LRRC1: variants seen among roughly 807,000 people sequenced by gnomAD.
The protein encoded by LRRC1 is leucine-rich repeat-containing protein 1.
In LRRC1, 28 loss-of-function variants were observed where a neutral mutation model predicts 69.9. The observed-to-expected ratio is 0.40, with a 90% CI of 0.30 to 0.55. The LOEUF is 0.55. Among genes scored for constraint, LRRC1 ranks in the 20% least tolerant of loss-of-function variants. The pLI is 0.47. For missense variants in LRRC1, 498 were observed against 609.0 expected, an observed-to-expected ratio of 0.82 and a Z score of 1.92; for synonymous variants, 236 against 240.2, an observed-to-expected ratio of 0.98 and a Z score of 0.16.
At chr6:53,873,785 C>T (rs1248255954) in intron 2 of LRRC1, among the ~76,000 whole-genome samples, 1 of 152,184 alleles carries the variant, frequency 6.6e-6, no homozygotes, top group Non-Finnish European at 1.5e-5. Flanking sequence ...CTTTCTCTTG[C>T]CTAATCTCTC....
intron 3 of LRRC1, 116 bp from the exon 4 acceptor site, chr6:53,882,771 A>G: frequency 3.2e-6 from 2 of 622,148 alleles, no homozygotes; most frequent in Non-Finnish European, 5.3e-6. Flanking sequence ...ATATAATGTC[A>G]TTTTTAGGAG....
intron 1 of LRRC1, among the ~76,000 whole-genome samples, chr6:53,806,035 C>G (rs570782902): frequency 6.6e-6 from 1 of 152,304 alleles, no homozygotes; most frequent in South Asian, 2.1e-4. Flanking sequence ...GTAGTTCCGC[C>G]TGTGGTGAAG....
chr6:53,812,286 CA>C (rs1764813932), intron 1 of LRRC1, among the ~76,000 whole-genome samples: 1 of 152,086 alleles, frequency 6.6e-6, no homozygotes, highest in African/African-American at 2.4e-5. Context: ...GAAAGCAAAC[CA>C]GGGCAGAATT....
At chr6:53,892,227 C>T (rs1767729911) in intron 4 of LRRC1, among the ~76,000 whole-genome samples, 1 of 151,124 alleles carries the variant, frequency 6.6e-6, no homozygotes, top group South Asian at 2.1e-4. Flanking sequence ...CTCTCTGTGC[C>T]TTAGTTTTCT....
chr6:53,890,406 G>A (rs953411167), intron 4 of LRRC1, among the ~76,000 whole-genome samples: 1 of 152,134 alleles, frequency 6.6e-6, no homozygotes, highest in African/African-American at 2.4e-5. Flanking sequence ...GAACTAGAGC[G>A]TGTGGGTCTG....
chr6:53,838,331 T>C (rs1765671207), intron 1 of LRRC1, among the ~76,000 whole-genome samples: 1 of 152,158 alleles, frequency 6.6e-6, no homozygotes, highest in South Asian at 2.1e-4. Context: ...CAGGCTCTAG[T>C]GGAGGATGCT....
chr6:53,868,379 G>A (rs541784777), intron 2 of LRRC1, among the ~76,000 whole-genome samples: 35 of 151,932 alleles, frequency 2.3e-4, no homozygotes, highest in Admixed American at 2.0e-3. Flanking sequence ...CATGCACCAC[G>A]ATGCCCAGCT....
rs1767907896 is a variant in LRRC1 at position 53,897,317 on chromosome 6, A to T, written c.600A>T (p.Lys200Asn). The change falls in exon 7 of 14, where the codon AAA becomes AAT. Residue 200 changes from lysine to asparagine, a missense_variant. Around this residue, in one of 3 missense-constraint regions of LRRC1, gnomAD observed 266 missense variants for 383.9 expected, o/e 0.69. Transcript: ENST00000370888. ...PESIGALLHLKDLWLDGNQLS... is the reference protein window; with the variant it reads ...PESIGALLHLNDLWLDGNQLS... ...CAATTGGAGCCCTCTTACATCTAAA[A>T]GATCTCTGGTTGGATGGAAATCAAC... The T allele has an allele frequency of 1.2e-6, 2 of 1,612,852 alleles. No individual in the cohort carries two copies. The highest frequency in any genetic ancestry group is 1.7e-6 in the Non-Finnish European group (2 of 1,179,294).
At chr6:53,873,843 A>C (rs1353849785) in intron 2 of LRRC1, among the ~76,000 whole-genome samples, 2 of 152,174 alleles carry the variant, frequency 1.3e-5, no homozygotes, top group Non-Finnish European at 2.9e-5. Context: ...AAAAGCTTTC[A>C]ACTTTTCTTC....
chr6:53,906,706 A>G (rs934067157), intron 10 of LRRC1, among the ~76,000 whole-genome samples: 1 of 152,256 alleles, frequency 6.6e-6, no homozygotes, highest in Non-Finnish European at 1.5e-5. Flanking sequence ...AAAAGTGAAA[A>G]TATGAAAGTA....
intron 10 of LRRC1, among the ~76,000 whole-genome samples, chr6:53,911,009 A>T (rs1030851711): frequency 7.9e-5 from 12 of 152,260 alleles, no homozygotes; most frequent in Admixed American, 3.3e-4. Context: ...CATCCCTAGC[A>T]CACTCTGCAA....
At chr6:53,805,096 C>CTTTAGT (rs1764600000) in intron 1 of LRRC1, among the ~76,000 whole-genome samples, 1 of 151,952 alleles carries the variant, frequency 6.6e-6, no homozygotes, top group Non-Finnish European at 1.5e-5. Context: ...CTGGAAAAGG[C>CTTTAGT]CTCGGGTAGG....
intron 1 of LRRC1, among the ~76,000 whole-genome samples, chr6:53,838,460 A>G (rs1158337574): frequency 6.6e-6 from 1 of 152,232 alleles, no homozygotes; most frequent in Non-Finnish European, 1.5e-5. Flanking sequence ...CTGTACATCT[A>G]AGTACCTTAT....
chr6:53,841,231 T>A (rs759221799), intron 1 of LRRC1, among the ~76,000 whole-genome samples: 5 of 152,234 alleles, frequency 3.3e-5, no homozygotes, highest in Non-Finnish European at 7.3e-5. Context: ...GGCTCCTGCC[T>A]GGCTCTGCAG....
chr6:53,894,072 G>A (rs982955681), intron 4 of LRRC1, among the ~76,000 whole-genome samples: 4 of 152,182 alleles, frequency 2.6e-5, no homozygotes, highest in African/African-American at 9.7e-5. Context: ...AAACTGAGAG[G>A]TGTTTTTAAA....
chr6:53,798,455 T>G (rs79526035), intron 1 of LRRC1, among the ~76,000 whole-genome samples: 1,590 of 152,366 alleles, frequency 0.01, 33 homozygotes, highest in East Asian at 0.09. Context: ...CTCCACTCAC[T>G]GCAAGCTCCT....
Position 53,896,874 on chromosome 6 carries a change from C to A in LRRC1, c.549C>A (p.Asn183Lys), listed in dbSNP as rs769854859. 1 of 1,599,474 alleles carries A rather than the reference C, an allele frequency of 6.3e-7. No individual in the cohort carries two copies. Among genetic ancestry groups the A allele is most frequent in the South Asian group, 1.1e-5 (1 of 90,450 alleles). ...GACTAGAAGAACTTGATTTAGGAAACAATGAAATATATAATTTGGTAAGTC... is the reference window on the plus strand; with the variant it reads ...GACTAGAAGAACTTGATTTAGGAAAAAATGAAATATATAATTTGGTAAGTC... ...LRRLEELDLG[N>K]NEIYNLPESI... Residue 183 changes from asparagine (N) to lysine (K), a missense_variant, in exon 6 of 14, where the codon AAC becomes AAA. Asn to Lys is a moderately conservative substitution (Grantham distance 94). Coordinates refer to ENST00000370888, the MANE Select transcript of LRRC1 (RefSeq NM_018214.5).
At chr6:53,911,627 T>C (rs1768412646) in intron 10 of LRRC1, among the ~76,000 whole-genome samples, 1 of 152,190 alleles carries the variant, frequency 6.6e-6, no homozygotes, top group Non-Finnish European at 1.5e-5. Flanking sequence ...CTCAGCCAAC[T>C]GCTGACTTGG....
chr6:53,843,029 C>T (rs973371945), intron 2 of LRRC1, among the ~76,000 whole-genome samples: 3 of 152,110 alleles, frequency 2.0e-5, no homozygotes, highest in African/African-American at 7.2e-5. Flanking sequence ...GCTGGTACTG[C>T]TCCTTGTTGT....
Sources: gnomAD v4.1 joint callset for allele counts (sites outside exome capture counted in the v4.1 genomes callset) on GRCh38, gnomAD v4.1.1 for gene constraint, gnomAD v4.1.1 regional missense constraint, MANE v1.5 for transcripts, NCBI Gene and HGNC (gene_info 2026-07-23, HGNC 2026-07-21) for gene names.